Variants in SLC9B2 observed in about 807,000 individuals in gnomAD.
The protein encoded by SLC9B2 is solute carrier family 9 member B2, also known as sodium/hydrogen exchanger 9B2.
Under a neutral mutation model 52.2 loss-of-function variants are expected in SLC9B2, and 39 were observed. The observed-to-expected ratio is 0.75, with a 90% CI of 0.58 to 0.98. The LOEUF (loss-of-function observed/expected upper bound fraction) is 0.98. Among genes scored for constraint, SLC9B2 ranks in the 50% least tolerant of loss-of-function variants. SLC9B2 has a pLI of 0.00. For synonymous variants in SLC9B2, 214 were observed against 227.0 expected (o/e 0.94, Z 0.51); for missense variants, 626 against 637.5 (o/e 0.98, Z 0.19).
intron 6 of SLC9B2, 117 bp from the exon 7 acceptor site, chr4:103,047,343 T>A: frequency 4.3e-6 from 4 of 920,782 alleles, no homozygotes; most frequent in Non-Finnish European, 6.2e-6. Flanking sequence ...TTTCTTTTTT[T>A]TTTTCTAAAT....
In SLC9B2 at chr4:103,048,909, A is replaced by G; in HGVS notation, c.697T>C (p.Trp233Arg). Residue 233 changes from tryptophan to arginine, a missense_variant, in exon 6 of 12, where the codon TGG (tryptophan) becomes CGG (arginine). Trp to Arg is a moderately radical substitution (Grantham distance 101, BLOSUM62 -3). Transcript: ENST00000394785. The stretch of plus-strand genomic sequence containing the variant: ...AATCATTACCCCAGTATAAATCCCC[A>G]TTGCCATGGTAAACCCAGCAGGTAA... ...AHYLLGLPWQ[W>R]GFILGFVLGA... The G allele has an allele frequency of 1.2e-6, 2 of 1,613,804 alleles. No individual in the cohort carries two copies. The highest frequency in any genetic ancestry group is 4.5e-5 in the East Asian group (2 of 44,870).
At chr4:103,054,297 A>C (rs1373176076) in intron 4 of SLC9B2, among the ~76,000 whole-genome samples, 1 of 152,154 alleles carries the variant, frequency 6.6e-6, no homozygotes, top group Non-Finnish European at 1.5e-5. Context: ...AAAACAAAAC[A>C]ACCAATGAGA....
chr4:103,035,597 C>G (rs1464767808), intron 9 of SLC9B2, among the ~76,000 whole-genome samples: 1 of 152,040 alleles, frequency 6.6e-6, no homozygotes, highest in Non-Finnish European at 1.5e-5. Flanking sequence ...ACACTTCCAC[C>G]AACAGAATGG....
At chr4:103,058,719 G>A (rs1490082867) in intron 3 of SLC9B2, among the ~76,000 whole-genome samples, 1 of 152,028 alleles carries the variant, frequency 6.6e-6, no homozygotes, top group Non-Finnish European at 1.5e-5. Flanking sequence ...TTTCATCTGG[G>A]ACAATTATCC....
rs1663896041 is a variant in SLC9B2, at chr4:103,066,365, C to A, written c.233G>T (p.Cys78Phe). ...HVQRLRQMLACPPHGLLDRVI... is the reference protein window; with the variant it reads ...HVQRLRQMLAFPPHGLLDRVI... ...CCTGTCCAGTAAACCATGTGGAGGG[C>A]AAGCCAGCATTTGTCTCAGTCTTTG... Residue 78 changes from cysteine to phenylalanine, a missense_variant, in exon 3 of 12, where the codon TGC (cysteine) becomes TTC (phenylalanine). Physicochemically the swap from Cys to Phe is radical, Grantham distance 205. Coordinates refer to ENST00000394785, the MANE Select transcript of SLC9B2 (RefSeq NM_178833.7). The A allele has an allele frequency of 6.2e-7, 1 of 1,614,058 alleles. No individual in the cohort carries two copies. The highest frequency in any genetic ancestry group is 1.3e-5 in the African/African-American group (1 of 75,036).
chr4:103,046,029 A>T (rs1744091038), intron 7 of SLC9B2, among the ~76,000 whole-genome samples: 1 of 152,212 alleles, frequency 6.6e-6, no homozygotes, highest in African/African-American at 2.4e-5. Context: ...AAAGTAATGT[A>T]ATGAAAACAA....
intron 9 of SLC9B2, among the ~76,000 whole-genome samples, chr4:103,033,198 T>C (rs1464482084): frequency 6.6e-6 from 1 of 151,566 alleles, no homozygotes; most frequent in Non-Finnish European, 1.5e-5. Flanking sequence ...ACCAAAAAAG[T>C]GACAAACTAG....
At chr4:103,069,337 C>A (rs1321435080) in intron 1 of SLC9B2, among the ~76,000 whole-genome samples, 1 of 152,174 alleles carries the variant, frequency 6.6e-6, no homozygotes, top group Non-Finnish European at 1.5e-5. Context: ...TGGCCTTTAC[C>A]TTCTGAAGTG....
At chr4:103,056,250 AT>A (rs1423659083) in intron 4 of SLC9B2, among the ~76,000 whole-genome samples, 4 of 149,104 alleles carry the variant, frequency 2.7e-5, no homozygotes, top group Non-Finnish European at 6.0e-5. Flanking sequence ...ATTTTATTTC[AT>A]TTTTATCTTT....
chr4:103,046,947 A>T, intron 7 of SLC9B2, 104 bp downstream of exon 7: 1 of 1,338,568 alleles, frequency 7.5e-7, no homozygotes, highest in Non-Finnish European at 1.0e-6. Context: ...GCCTATTTTT[A>T]ATTTGCCTTA....
In SLC9B2 at chr4:103,048,084, G is replaced by A. The variant is rs141087914; in HGVS notation, c.713+809C>T. Among the ~76,000 whole-genome samples the A allele has an allele frequency of 2.8e-3, 432 of 152,238 alleles. 3 individuals are homozygous for A. Among genetic ancestry groups the A allele is most frequent in the African/African-American group, 0.01 (419 of 41,526 alleles). The stretch of plus-strand genomic sequence containing the variant: ...TAGGCCTTCTATTAGGGCTTGCTAT[G>A]TCAAATAAGGCAACAGATTAGAAGA... On this transcript the variant is annotated intron_variant, in intron 6 of 11. Transcript: ENST00000394785.
At chr4:103,059,499 G>A (rs1423946048) in intron 3 of SLC9B2, among the ~76,000 whole-genome samples, 3 of 152,280 alleles carry the variant, frequency 2.0e-5, no homozygotes, top group South Asian at 2.1e-4. Flanking sequence ...GCTTAATGTT[G>A]TAGAATGTTT....
At chr4:103,021,530 TAA>T (rs1294725469), downstream of SLC9B2, among the ~76,000 whole-genome samples, 1 of 152,192 alleles carries the variant, frequency 6.6e-6, no homozygotes, top group African/African-American at 2.4e-5. Context: ...TTATAAAAAT[TAA>T]GTTTTAAAAA....
chr4:103,055,563 ATTTAAC>A (rs1164697655), intron 4 of SLC9B2, among the ~76,000 whole-genome samples: 2 of 152,016 alleles, frequency 1.3e-5, no homozygotes, highest in South Asian at 2.1e-4. Context: ...TTCTTTTTAT[ATTTAAC>A]TTTAACTACT....
rs1745509698 is a variant in SLC9B2, at chr4:103,060,303, C to T, written c.272-2332G>A. ...CAGTTCACCATTTTTTTCACTTAAT[C>T]TGCTGCCTAATTTGTCCAGTGAGTT... On this transcript the variant is annotated intron_variant, in intron 3 of 11. Transcript: ENST00000394785. 2.0e-5 allele frequency among the ~76,000 whole-genome samples: 3 copies of T among 150,962 alleles called. 1 individual carries two copies. In the Admixed American group the frequency reaches 2.0e-4, roughly 10 times the overall value.
downstream of SLC9B2, chr4:103,020,403 AAAC>A: frequency 2.4e-6 from 1 of 422,688 alleles, no homozygotes; most frequent in South Asian, 1.7e-5. Flanking sequence ...TAAAAGACAA[AAAC>A]AACTGTTATT....
At chr4:103,043,261 G>C in intron 9 of SLC9B2, 35 bp downstream of exon 9, 1 of 1,570,474 alleles carries the variant, frequency 6.4e-7, no homozygotes, top group Admixed American at 2.0e-5. Context: ...CATTAGAAAA[G>C]AGTCATGAGC....
chr4:103,056,338 C>T (rs1745133820), intron 4 of SLC9B2, among the ~76,000 whole-genome samples: 1 of 152,180 alleles, frequency 6.6e-6, no homozygotes, highest in Non-Finnish European at 1.5e-5. Context: ...ACCTCCACCT[C>T]CCAGGTTTAA....
Position 103,067,019 on chromosome 4 carries a change from G to C in SLC9B2, c.90+442C>G, listed in dbSNP as rs1327007780. ...AAAAAAAAAATCCAAGACACTTATA[G>C]TCCCAAGCATTTCAGATAAGGGATA... On this transcript the variant is annotated intron_variant, in intron 2 of 11. Transcript: ENST00000394785. Among the ~76,000 whole-genome samples, 3 of 150,422 alleles carry C rather than the reference G, an allele frequency of 2.0e-5. 1 individual carries two copies. Among genetic ancestry groups the C allele is most frequent in the Non-Finnish European group, 4.4e-5 (3 of 67,782 alleles).
Sources: gnomAD v4.1 joint callset for allele counts (sites outside exome capture counted in the v4.1 genomes callset) on GRCh38, gnomAD v4.1.1 for gene constraint, MANE v1.5 for transcripts, NCBI Gene and HGNC (gene_info 2026-07-23, HGNC 2026-07-21) for gene names.